The following GABRG3 variants were observed in gnomAD, a reference collection of about 807,000 sequenced individuals.
GABRG3 encodes the protein gamma-aminobutyric acid receptor subunit gamma-3.
Under a neutral mutation model 48.8 loss-of-function variants are expected in GABRG3, and 25 were observed. That is an observed-to-expected ratio of 0.51 (90% CI 0.37 to 0.72). The LOEUF is 0.72. Among genes scored for constraint, GABRG3 ranks in the 30% least tolerant of loss-of-function variants. The pLI, the probability that GABRG3 is intolerant of heterozygous loss-of-function variation, is 0.00. For synonymous variants in GABRG3, 227 were observed against 217.6 expected (o/e 1.04, Z -0.38); for missense variants, 394 against 577.9 (o/e 0.68, Z 3.26).
intron 5 of GABRG3, among the ~76,000 whole-genome samples, chr15:27,448,274 C>A (rs1394595210): frequency 6.6e-6 from 1 of 152,134 alleles, no homozygotes; most frequent in Admixed American, 6.6e-5. Flanking sequence ...AAATAATTGT[C>A]CATCCCCTTT....
chr15:27,501,725 C>T (rs1890644785), intron 6 of GABRG3, among the ~76,000 whole-genome samples: 1 of 152,138 alleles, frequency 6.6e-6, no homozygotes, highest in African/African-American at 2.4e-5. Flanking sequence ...CTGCATCCTT[C>T]AGGTATTTAT....
At chr15:27,304,673 T>C (rs1192260591) in intron 3 of GABRG3, among the ~76,000 whole-genome samples, 1 of 152,012 alleles carries the variant, frequency 6.6e-6, no homozygotes, top group African/African-American at 2.4e-5. Flanking sequence ...ACTGTTTTTC[T>C]CTTACATGGG....
intron 3 of GABRG3, among the ~76,000 whole-genome samples, chr15:27,311,642 A>G (rs1179812698): frequency 5.4e-5 from 8 of 147,910 alleles, no homozygotes; most frequent in Non-Finnish European, 1.0e-4. Context: ...GGGGATAGGG[A>G]AAAAAAAAAC....
chr15:27,476,153 G>A (rs1328156791), intron 5 of GABRG3, among the ~76,000 whole-genome samples: 1 of 152,112 alleles, frequency 6.6e-6, no homozygotes, highest in Non-Finnish European at 1.5e-5. Context: ...GCAAATAAGT[G>A]GCAAGAAGAG....
chr15:27,349,478 A>G (rs1434724161), intron 5 of GABRG3, among the ~76,000 whole-genome samples: 2 of 152,130 alleles, frequency 1.3e-5, no homozygotes, highest in African/African-American at 4.8e-5. Context: ...GTTAAAATCT[A>G]GAGGGAATTT....
At chr15:27,287,868 A>C (rs769857150) in intron 3 of GABRG3, among the ~76,000 whole-genome samples, 4 of 151,150 alleles carry the variant, frequency 2.6e-5, no homozygotes, top group Non-Finnish European at 4.4e-5. Context: ...TCTCCCAAGT[A>C]GCTGGGACTA....
At chr15:27,504,175 A>C (rs1218271774) in intron 6 of GABRG3, among the ~76,000 whole-genome samples, 1 of 152,126 alleles carries the variant, frequency 6.6e-6, no homozygotes, top group African/African-American at 2.4e-5. Context: ...TGATGTAATT[A>C]TTGACACTTT....
intron 3 of GABRG3, among the ~76,000 whole-genome samples, chr15:27,056,721 C>T (rs995793990): frequency 3.9e-5 from 6 of 152,050 alleles, no homozygotes; most frequent in African/African-American, 9.7e-5. Context: ...AACCAGTGGA[C>T]GTGAGGATGG....
chr15:27,171,368 A>G (rs562855438), intron 3 of GABRG3, among the ~76,000 whole-genome samples: 132 of 152,248 alleles, frequency 8.7e-4, no homozygotes, highest in African/African-American at 3.0e-3. Context: ...TGGCCTACCA[A>G]TGTAAAAGCT....
chr15:27,182,471 T>C (rs1887962445), intron 3 of GABRG3, among the ~76,000 whole-genome samples: 2 of 152,180 alleles, frequency 1.3e-5, no homozygotes, highest in African/African-American at 2.4e-5. Flanking sequence ...TTTAAAAGCA[T>C]GTAGCAGGAA....
At chr15:27,209,347 T>C (rs28515573) in intron 3 of GABRG3, among the ~76,000 whole-genome samples, 336 of 151,416 alleles carry the variant, frequency 2.2e-3, no homozygotes, top group Middle Eastern at 3.4e-3. Context: ...TCTTTCTTTC[T>C]TTCCTTCCTT....
chr15:27,057,070 T>G (rs1004851848), intron 3 of GABRG3, among the ~76,000 whole-genome samples: 32 of 152,146 alleles, frequency 2.1e-4, no homozygotes, highest in Non-Finnish European at 2.9e-5. Context: ...ATTGTCCAGG[T>G]GGAGAAATAA....
chr15:27,068,840 C>T (rs1896780659), intron 3 of GABRG3, among the ~76,000 whole-genome samples: 1 of 152,178 alleles, frequency 6.6e-6, no homozygotes, highest in African/African-American at 2.4e-5. Flanking sequence ...GCAGTTAGGG[C>T]ATTTTGTTTA....
intron 3 of GABRG3, among the ~76,000 whole-genome samples, chr15:27,102,259 G>T (rs1212690423): frequency 6.6e-6 from 1 of 152,150 alleles, no homozygotes; most frequent in African/African-American, 2.4e-5. Context: ...AAATTGCTGT[G>T]TTCTACACAG....
At chr15:27,096,692 C>G (rs1370767553) in intron 3 of GABRG3, among the ~76,000 whole-genome samples, 8 of 152,128 alleles carry the variant, frequency 5.3e-5, no homozygotes. Flanking sequence ...TTAATAAATT[C>G]ATACTGGGTC....
intron 3 of GABRG3, among the ~76,000 whole-genome samples, chr15:27,040,321 T>A (rs574129930): frequency 6.6e-6 from 1 of 152,200 alleles, no homozygotes; most frequent in South Asian, 2.1e-4. Flanking sequence ...AAATGGCTGG[T>A]CGTTGCAAGC....
chr15:27,128,824 C>T (rs370307975), intron 3 of GABRG3, among the ~76,000 whole-genome samples: 4 of 152,042 alleles, frequency 2.6e-5, no homozygotes, highest in South Asian at 2.1e-4. Context: ...GCCAGCAGAA[C>T]GATACTGTGT....
chr15:27,283,316 T>C (rs1200726842), intron 3 of GABRG3, among the ~76,000 whole-genome samples: 1 of 152,136 alleles, frequency 6.6e-6, no homozygotes, highest in East Asian at 1.9e-4. Context: ...AAAAGTTGTC[T>C]ATCTTGGCCG....
intron 2 of GABRG3, 21 bp downstream of exon 2, chr15:26,977,171 T>C: frequency 6.2e-7 from 1 of 1,601,008 alleles, no homozygotes; most frequent in Non-Finnish European, 8.5e-7. Flanking sequence ...TTTTTTGTTA[T>C]TCTAATAGAA....
Sources: allele counts gnomAD v4.1 joint callset (sites outside exome capture counted in the v4.1 genomes callset), GRCh38; gene constraint gnomAD v4.1.1; transcripts MANE v1.5; gene names NCBI Gene and HGNC (gene_info 2026-07-23, HGNC 2026-07-21).